Variants in BICD1 observed in about 807,000 individuals in gnomAD.
BICD1 encodes the protein protein bicaudal D homolog 1.
BICD1 carries 35 observed loss-of-function variants against 92.5 expected under a neutral mutation model. The observed-to-expected ratio is 0.38, with a 90% CI of 0.29 to 0.50. The LOEUF is 0.50. Among genes scored for constraint, BICD1 ranks in the 20% least tolerant of loss-of-function variants. The probability of loss-of-function intolerance (pLI) is 0.93; values close to 1 mark genes in which losing one functional copy is unlikely to be tolerated. For missense variants in BICD1, 950 were observed against 1,189.8 expected (o/e 0.80, Z 2.97); for synonymous variants, 429 against 465.1 (o/e 0.92, Z 1.00).
At chr12:32,374,934 T>A (rs1243284274) in intron 9 of BICD1, among the ~76,000 whole-genome samples, 6 of 129,160 alleles carry the variant, frequency 4.6e-5, no homozygotes, top group African/African-American at 1.9e-4. Flanking sequence ...TTTTTTTTTT[T>A]TTGAGACGGA....
At chr12:32,160,652 G>A (rs1436019581) in intron 1 of BICD1, among the ~76,000 whole-genome samples, 6 of 152,068 alleles carry the variant, frequency 3.9e-5, no homozygotes, top group Non-Finnish European at 1.5e-5. Context: ...AAATACAGTG[G>A]TGCCCCTTAA....
chr12:32,204,007 T>C (rs1347461414), intron 1 of BICD1, among the ~76,000 whole-genome samples: 1 of 152,008 alleles, frequency 6.6e-6, no homozygotes, highest in African/African-American at 2.4e-5. Flanking sequence ...AGGAAAAAGG[T>C]ACTCTGGAGA....
chr12:32,374,685 AG>A (rs1436532429), intron 9 of BICD1, among the ~76,000 whole-genome samples: 1 of 144,244 alleles, frequency 6.9e-6, no homozygotes, highest in East Asian at 2.0e-4. Context: ...CTCCTGCCTC[AG>A]CCTCCTGAGT....
chr12:32,351,751 A>G (rs894673108), intron 8 of BICD1, among the ~76,000 whole-genome samples: 1 of 150,854 alleles, frequency 6.6e-6, no homozygotes, highest in Admixed American at 6.6e-5. Flanking sequence ...AAAAATACAA[A>G]AATTAGCTGG....
chr12:32,220,709 A>G (rs1325329574), intron 2 of BICD1, among the ~76,000 whole-genome samples: 12 of 148,270 alleles, frequency 8.1e-5, no homozygotes, highest in Non-Finnish European at 1.8e-4. Flanking sequence ...ATCTAGAACT[A>G]GAAATACCAT....
intron 1 of BICD1, among the ~76,000 whole-genome samples, chr12:32,162,940 T>C (rs1185626116): frequency 6.6e-6 from 1 of 152,156 alleles, no homozygotes; most frequent in Non-Finnish European, 1.5e-5. Flanking sequence ...GAGCTATGAT[T>C]GTGCCATTGC....
intron 8 of BICD1, among the ~76,000 whole-genome samples, chr12:32,343,853 T>C (rs7297899): frequency 0.36 from 54,192 of 152,146 alleles, 11,628 homozygotes; most frequent in African/African-American, 0.6. Flanking sequence ...CAGTACACAC[T>C]GACATGTTCA....
Position 32,331,855 on chromosome 12 carries a change from T to C in BICD1, c.2101-2661T>C, listed in dbSNP as rs1021943679. 4.0e-4 allele frequency among the ~76,000 whole-genome samples: 61 copies of C among 152,228 alleles called. 1 individual carries two copies. Among genetic ancestry groups the C allele is most frequent in the Admixed American group, 2.0e-4 (3 of 15,274 alleles). On this transcript the variant is annotated intron_variant, in intron 5 of 9. Coordinates refer to ENST00000652176, the MANE Select transcript of BICD1 (RefSeq NM_001714.4). The stretch of plus-strand genomic sequence containing the variant: ...ATGCATTTGGTCTGCACGTTCATGA[T>C]GTTGGGGCTGTTGCTGTGATGCTTA...
At chr12:32,160,808 TAC>T (rs1186288183) in intron 1 of BICD1, among the ~76,000 whole-genome samples, 1 of 958 alleles carries the variant, frequency 1.0e-3, no homozygotes, top group Non-Finnish European at 1.9e-3. Flanking sequence ...CATACACAGA[TAC>T]ACACATGTGT....
At chr12:32,128,279 A>C (rs1942415465) in intron 1 of BICD1, among the ~76,000 whole-genome samples, 1 of 152,200 alleles carries the variant, frequency 6.6e-6, no homozygotes, top group Non-Finnish European at 1.5e-5. Context: ...AAAAAGGTAC[A>C]AGTTCTAATC....
At chr12:32,258,596 G>A (rs540759673) in intron 2 of BICD1, among the ~76,000 whole-genome samples, 3 of 151,958 alleles carry the variant, frequency 2.0e-5, no homozygotes, top group East Asian at 1.9e-4. Flanking sequence ...GATATTTATC[G>A]TATACAAGAC....
At chr12:32,270,131 A>AAAAT (rs1947100342) in intron 2 of BICD1, among the ~76,000 whole-genome samples, 1 of 128,382 alleles carries the variant, frequency 7.8e-6, no homozygotes, top group African/African-American at 3.5e-5. Flanking sequence ...AAAAAAAAAA[A>AAAAT]AAAAATTATT....
At chr12:32,309,819 G>T (rs1007659235) in intron 4 of BICD1, among the ~76,000 whole-genome samples, 34 of 152,084 alleles carry the variant, frequency 2.2e-4, no homozygotes, top group Non-Finnish European at 4.4e-5. Flanking sequence ...TAGGGTACAT[G>T]TGCACAATGT....
intron 5 of BICD1, chr12:32,332,575 C>A: frequency 2.1e-6 from 1 of 477,280 alleles, no homozygotes; most frequent in Non-Finnish European, 2.7e-6. Context: ...AAGACTCAGC[C>A]TCCTGGGGAT....
intron 8 of BICD1, among the ~76,000 whole-genome samples, chr12:32,360,091 A>G (rs1333486768): frequency 6.6e-6 from 1 of 152,100 alleles, no homozygotes; most frequent in Non-Finnish European, 1.5e-5. Context: ...AGGCTGAGGC[A>G]GGAGAATGGT....
At chr12:32,279,989 T>C (rs1243261238) in intron 2 of BICD1, among the ~76,000 whole-genome samples, 2 of 152,032 alleles carry the variant, frequency 1.3e-5, no homozygotes, top group African/African-American at 4.8e-5. Flanking sequence ...TCCCAGCTAC[T>C]TGGGAGGCTG....
intron 2 of BICD1, 132 bp from the exon 3 acceptor site, chr12:32,293,862 A>G: frequency 2.3e-6 from 2 of 878,488 alleles, no homozygotes; most frequent in South Asian, 1.9e-5. Flanking sequence ...CTAAATTGCC[A>G]TTCGAAAAAA....
chr12:32,315,146 A>G (rs1948467004), intron 4 of BICD1, among the ~76,000 whole-genome samples: 1 of 152,178 alleles, frequency 6.6e-6, no homozygotes, highest in Non-Finnish European at 1.5e-5. Context: ...TATGAGGAAG[A>G]GATCAACATT....
At position 32,305,564 on chromosome 12, in the gene BICD1, G is replaced by A. The variant is rs184718997; in HGVS notation, c.580-133G>A. 103 of 716,100 alleles carry A rather than the reference G, an allele frequency of 1.4e-4. No individual in the cohort carries two copies. The African/African-American group carries it at 1.5e-3, about 10-fold the overall frequency. 44.4% of individuals were successfully genotyped at this position (716,100 alleles called of 1,614,324 possible). ...CTATATAACTTTAAGGATATATTGT[G>A]TGCTTTTTATTATTTATTTTTTAGA... On this transcript the variant is annotated intron_variant, in intron 3 of 9. Coordinates refer to ENST00000652176, the MANE Select transcript of BICD1 (RefSeq NM_001714.4).
Sources: allele counts gnomAD v4.1 joint callset (sites outside exome capture counted in the v4.1 genomes callset), GRCh38; gene constraint gnomAD v4.1.1; transcripts MANE v1.5; gene names NCBI Gene and HGNC (gene_info 2026-07-23, HGNC 2026-07-21).